FLRT2: variants seen among roughly 807,000 people sequenced by gnomAD.
FLRT2 encodes fibronectin leucine rich transmembrane protein 2.
Under a neutral mutation model 40.0 loss-of-function variants are expected in FLRT2, and 15 were observed. The ratio of observed to expected loss-of-function variants is 0.38; its 90% CI spans 0.25 to 0.58. The LOEUF (loss-of-function observed/expected upper bound fraction) is 0.58, where lower values mean the gene tolerates loss of function less well. FLRT2 is among the 20% of genes least tolerant of loss of function. The pLI, the probability that FLRT2 is intolerant of heterozygous loss-of-function variation, is 0.71. For synonymous variants in FLRT2, 380 were observed against 336.8 expected, an observed-to-expected ratio of 1.13 and a Z score of -1.41; for missense variants, 726 against 840.0, an observed-to-expected ratio of 0.86 and a Z score of 1.68.
At chr14:85,542,688 G>A (rs1343439419) in intron 1 of FLRT2, among the ~76,000 whole-genome samples, 2 of 152,146 alleles carry the variant, frequency 1.3e-5, no homozygotes, top group African/African-American at 4.8e-5. Context: ...TTAAAAAGTA[G>A]TTTTGTACTC....
In FLRT2 at chr14:85,640,324, AG is replaced by A. The variant is rs1319574669; in HGVS notation, c.*16828del. On this transcript the variant is annotated 3_prime_UTR_variant, in exon 2 of 2. Coordinates refer to ENST00000330753, the MANE Select transcript of FLRT2 (RefSeq NM_013231.6). ...ATCAGGACAGTAAGGCAATCAGTGG[AG>A]TAATGATCCTTCCAAACTGCTGACT... 1 of 152,216 alleles carries A rather than the reference AG, an allele frequency of 6.6e-6. No individual in the cohort carries two copies. The highest frequency in any genetic ancestry group is 1.5e-5 in the Non-Finnish European group (1 of 68,048). 9.4% of individuals were successfully genotyped at this position (152,216 alleles called of 1,614,324 possible).
intron 1 of FLRT2, among the ~76,000 whole-genome samples, chr14:85,604,817 G>A (rs948965050): frequency 6.6e-6 from 1 of 152,154 alleles, no homozygotes; most frequent in African/African-American, 2.4e-5. Context: ...GAAGAAATTA[G>A]TCTTTCCTGC....
chr14:85,606,472 C>T (rs534339860), intron 1 of FLRT2, among the ~76,000 whole-genome samples: 1 of 151,288 alleles, frequency 6.6e-6, no homozygotes, highest in Admixed American at 6.6e-5. Flanking sequence ...AAATCTCAAG[C>T]ACGTGGCTTG....
intron 1 of FLRT2, among the ~76,000 whole-genome samples, chr14:85,566,558 T>TGTGTGTGC (rs149143414): frequency 7.9e-5 from 12 of 151,014 alleles, no homozygotes; most frequent in South Asian, 2.1e-4. Context: ...GTTGTGTGTG[T>TGTGTGTGC]GTGTGTGTGT....
chr14:85,593,391 CCTT>C (rs1166024101), intron 1 of FLRT2, among the ~76,000 whole-genome samples: 1 of 152,200 alleles, frequency 6.6e-6, no homozygotes, highest in Non-Finnish European at 1.5e-5. Flanking sequence ...TCAGACCTCA[CCTT>C]CTGGCTGCAG....
At chr14:85,596,946 G>A (rs1892166010) in intron 1 of FLRT2, among the ~76,000 whole-genome samples, 1 of 152,134 alleles carries the variant, frequency 6.6e-6, no homozygotes, top group Admixed American at 6.5e-5. Flanking sequence ...TGAAAGCTGG[G>A]TGTTTGAATG....
At chr14:85,535,229 A>G (rs1228638982) in intron 1 of FLRT2, among the ~76,000 whole-genome samples, 2 of 152,172 alleles carry the variant, frequency 1.3e-5, no homozygotes, top group Non-Finnish European at 2.9e-5. Flanking sequence ...CTTATTGCTA[A>G]ATTTATTATG....
intron 1 of FLRT2, among the ~76,000 whole-genome samples, chr14:85,539,454 A>C (rs946447938): frequency 6.6e-6 from 1 of 152,142 alleles, no homozygotes; most frequent in African/African-American, 2.4e-5. Context: ...AGATTAGATG[A>C]CAAGTTTACC....
chr14:85,549,192 G>A (rs1226074841), intron 1 of FLRT2, among the ~76,000 whole-genome samples: 4 of 152,120 alleles, frequency 2.6e-5, no homozygotes, highest in Admixed American at 6.6e-5. Context: ...ACCCAGGTAC[G>A]GGTGCAAGAG....
intron 1 of FLRT2, among the ~76,000 whole-genome samples, chr14:85,582,133 C>T (rs1164579988): frequency 6.6e-6 from 1 of 152,180 alleles, no homozygotes; most frequent in Non-Finnish European, 1.5e-5. Flanking sequence ...GTAGATCCTG[C>T]TCTTAGATCC....
At position 85,625,483 on chromosome 14, in the gene FLRT2, G is replaced by A. The variant is rs959321112; in HGVS notation, c.*1986G>A. The A allele has an allele frequency of 6.0e-6, 1 of 166,968 alleles. No homozygotes were observed. The highest frequency in any genetic ancestry group is 2.4e-5 in the African/African-American group (1 of 41,446). 10.3% of individuals were successfully genotyped at this position (166,968 alleles called of 1,614,324 possible). Reference sequence around the variant, plus strand: ...ATAAGCAGAAAATATAACTGCAGCTGTATGTCGTAGACACAAGAATTGAAA... The same window carrying A: ...ATAAGCAGAAAATATAACTGCAGCTATATGTCGTAGACACAAGAATTGAAA... On this transcript the variant is annotated 3_prime_UTR_variant, in exon 2 of 2. Coordinates refer to ENST00000330753, the MANE Select transcript of FLRT2 (RefSeq NM_013231.6).
At chr14:85,554,030 G>C (rs896567347) in intron 1 of FLRT2, among the ~76,000 whole-genome samples, 1 of 152,188 alleles carries the variant, frequency 6.6e-6, no homozygotes, top group African/African-American at 2.4e-5. Context: ...TCAAAAATAT[G>C]AAGCAAGGCC....
Position 85,638,606 on chromosome 14 carries a change from A to G in FLRT2, c.*15109A>G, listed in dbSNP as rs1281221554. On this transcript the variant is annotated 3_prime_UTR_variant, in exon 2 of 2. Coordinates refer to ENST00000330753, the MANE Select transcript of FLRT2 (RefSeq NM_013231.6). ...CCCAACCTGCTACAGCCTACTTCAC[A>G]CTTCTTCTCAAGGCTGTCTTGAATT... 1 of 152,072 alleles carries G rather than the reference A, an allele frequency of 6.6e-6. No homozygotes were observed. Among genetic ancestry groups the G allele is most frequent in the Non-Finnish European group, 1.5e-5 (1 of 68,036 alleles). 9.4% of individuals were successfully genotyped at this position (152,072 alleles called of 1,614,324 possible).
intron 1 of FLRT2, among the ~76,000 whole-genome samples, chr14:85,610,298 C>T (rs1040208044): frequency 6.6e-6 from 1 of 152,076 alleles, no homozygotes; most frequent in Admixed American, 6.6e-5. Flanking sequence ...AGAATTCTGA[C>T]AGAAGTTCAG....
At chr14:85,598,307 A>C (rs1417895303) in intron 1 of FLRT2, among the ~76,000 whole-genome samples, 1 of 152,228 alleles carries the variant, frequency 6.6e-6, no homozygotes, top group Non-Finnish European at 1.5e-5. Flanking sequence ...GGGACATACA[A>C]GTCTGTCTGA....
In FLRT2 at chr14:85,622,619, C is replaced by G. The variant is rs932839003; in HGVS notation, c.1105C>G (p.Leu369Val). 1.2e-6 allele frequency: 2 copies of G among 1,613,738 alleles called. No homozygotes were observed. Among genetic ancestry groups the G allele is most frequent in the Admixed American group, 1.7e-5 (1 of 59,994 alleles). Residue 369 changes from leucine to valine, a missense_variant, in exon 2 of 2, where the codon CTC becomes GTC. By Grantham distance (32) the Leu-to-Val change is conservative. Transcript: ENST00000330753. ...SCPTTTPGLP[L>V]FTPAPSTASP... ...TCCCACCACGACCCCCGGCCTGCCT[C>G]TCTTCACCCCAGCCCCAAGTACAGC... is the stretch of plus-strand genomic sequence containing the variant.
chr14:85,599,644 C>T (rs900163393), intron 1 of FLRT2, among the ~76,000 whole-genome samples: 1 of 152,172 alleles, frequency 6.6e-6, no homozygotes, highest in Non-Finnish European at 1.5e-5. Context: ...GTACCTTAGC[C>T]ATTAATTAAT....
chr14:85,565,584 A>G (rs1890581783), intron 1 of FLRT2, among the ~76,000 whole-genome samples: 1 of 152,210 alleles, frequency 6.6e-6, no homozygotes, highest in South Asian at 2.1e-4. Context: ...GAATGATTTT[A>G]GAAACCATAT....
At chr14:85,585,683 A>AT (rs999180784) in intron 1 of FLRT2, among the ~76,000 whole-genome samples, 11 of 151,824 alleles carry the variant, frequency 7.2e-5, no homozygotes, top group Admixed American at 1.3e-4. Context: ...AAAATAAATG[A>AT]TTTTTTTTGA....
Sources: allele counts gnomAD v4.1 joint callset (sites outside exome capture counted in the v4.1 genomes callset), GRCh38; gene constraint gnomAD v4.1.1; transcripts MANE v1.5; gene names NCBI Gene and HGNC (gene_info 2026-07-23, HGNC 2026-07-21).